Variants in LIPA observed in about 807,000 individuals in gnomAD.
LIPA encodes the protein lipase A, lysosomal acid type, also known as lysosomal acid lipase/cholesteryl ester hydrolase.
In LIPA, 26 loss-of-function variants were observed where a neutral mutation model predicts 40.6. The observed-to-expected ratio is 0.64, with a 90% CI of 0.47 to 0.89. The LOEUF (loss-of-function observed/expected upper bound fraction) is 0.89. LIPA is among the 40% of genes least tolerant of loss of function. The probability of loss-of-function intolerance (pLI) is 0.00; values close to 1 mark genes in which losing one functional copy is unlikely to be tolerated. For missense variants in LIPA, 455 were observed against 479.6 expected (o/e 0.95, Z 0.48); for synonymous variants, 188 against 168.4 (o/e 1.12, Z -0.90).
intron 2 of LIPA, among the ~76,000 whole-genome samples, chr10:89,396,087 G>A (rs1384370474): frequency 1.3e-5 from 2 of 152,124 alleles, no homozygotes; most frequent in Non-Finnish European, 1.5e-5. Flanking sequence ...AGTATCTTAA[G>A]TATATATCCA....
intron 3 of LIPA, among the ~76,000 whole-genome samples, chr10:89,233,519 G>A (rs890308965): frequency 1.3e-5 from 2 of 152,210 alleles, no homozygotes; most frequent in Non-Finnish European, 2.9e-5. Flanking sequence ...CATACATTAC[G>A]TTTCGTGCAA....
intron 2 of LIPA, chr10:89,403,024 A>C (rs1405780422): frequency 6.2e-7 from 1 of 1,614,136 alleles, no homozygotes; most frequent in East Asian, 2.2e-5. Context: ...ATGTCCTCAC[A>C]GACCTATGTC....
At chr10:89,368,655 T>C (rs1045337749) in intron 2 of LIPA, among the ~76,000 whole-genome samples, 1 of 152,106 alleles carries the variant, frequency 6.6e-6, no homozygotes, top group African/African-American at 2.4e-5. Flanking sequence ...GATATAAACA[T>C]GGTGACAAAA....
At chr10:89,352,146 T>A (rs1843962644) in intron 2 of LIPA, among the ~76,000 whole-genome samples, 1 of 152,176 alleles carries the variant, frequency 6.6e-6, no homozygotes, top group East Asian at 1.9e-4. Flanking sequence ...TTTATTGCCT[T>A]TAGCCAATCA....
intron 2 of LIPA, among the ~76,000 whole-genome samples, chr10:89,352,788 T>TA (rs34514402): frequency 0.094 from 10,578 of 113,004 alleles, 488 homozygotes; most frequent in East Asian, 0.19. Context: ...ACTACAAAGA[T>TA]AAAAAAAAAA....
intron 1 of LIPA, among the ~76,000 whole-genome samples, chr10:89,311,417 C>A (rs1843514736): frequency 2.0e-5 from 3 of 150,834 alleles, no homozygotes; most frequent in Non-Finnish European, 4.4e-5. Context: ...GTAATCCCAG[C>A]TACTCAGGAG....
At chr10:89,232,996 T>C (rs1842860735) in intron 3 of LIPA, among the ~76,000 whole-genome samples, 1 of 152,246 alleles carries the variant, frequency 6.6e-6, no homozygotes. Flanking sequence ...GTGCAGCTTC[T>C]AAGAACATCG....
chr10:89,339,241 T>C (rs1223815594), intron 1 of LIPA: 6 of 1,614,194 alleles, frequency 3.7e-6, no homozygotes, highest in Non-Finnish European at 5.1e-6. Flanking sequence ...TACTGATGTT[T>C]TGAAGCAGGC....
intron 1 of LIPA, among the ~76,000 whole-genome samples, chr10:89,286,571 G>A (rs1000680139): frequency 1.1e-4 from 17 of 151,980 alleles, no homozygotes; most frequent in South Asian, 2.1e-4. Context: ...ATCAGTTAGC[G>A]TTTAGGCTCT....
intron 8 of LIPA, among the ~76,000 whole-genome samples, chr10:89,221,287 G>A (rs1482320559): frequency 3.3e-5 from 5 of 151,996 alleles, no homozygotes; most frequent in Non-Finnish European, 7.4e-5. Flanking sequence ...GCTGGGAGGC[G>A]GAGGTTGCAG....
intron 1 of LIPA, among the ~76,000 whole-genome samples, chr10:89,334,638 G>A (rs547174542): frequency 2.5e-4 from 38 of 151,462 alleles, no homozygotes; most frequent in Non-Finnish European, 1.9e-4. Context: ...GATTACAGGC[G>A]CCTGCCACCA....
intron 2 of LIPA, among the ~76,000 whole-genome samples, chr10:89,359,164 A>T (rs1844005431): frequency 6.6e-6 from 1 of 152,106 alleles, no homozygotes; most frequent in Non-Finnish European, 1.5e-5. Context: ...CTGAGAATAG[A>T]GGAAGCTTGA....
At chr10:89,338,704 A>C (rs1476885421) in intron 1 of LIPA, 1 of 1,613,796 alleles carries the variant, frequency 6.2e-7, no homozygotes, top group Admixed American at 1.7e-5. Context: ...TCCACAGCTG[A>C]AATGCCATTT....
intron 2 of LIPA, among the ~76,000 whole-genome samples, chr10:89,377,147 G>A (rs1325180170): frequency 6.6e-6 from 1 of 152,148 alleles, no homozygotes; most frequent in African/African-American, 2.4e-5. Context: ...AATTGTGTGG[G>A]CAATTACATC....
At chr10:89,384,245 G>C (rs1320363077) in intron 2 of LIPA, 1 of 1,614,216 alleles carries the variant, frequency 6.2e-7, no homozygotes, top group East Asian at 2.2e-5. Context: ...TGGCAGCCTA[G>C]AGGGCAAGAT....
chr10:89,369,527 G>A lies in LIPA; in HGVS notation c.61+43264C>T, dbSNP rs184058324. ...GCCATTGAGCTAAGTTCTGAAAACC[G>A]GTATGTTGGAGTTATCTTTATCAAG... On this transcript the variant is annotated intron_variant, in intron 2 of 8. Transcript: ENST00000371837. Among the ~76,000 whole-genome samples the A allele has an allele frequency of 7.8e-4, 119 of 152,250 alleles. 1 individual carries two copies. Among genetic ancestry groups the A allele is most frequent in the African/African-American group, 2.6e-3 (106 of 41,532 alleles).
intron 1 of LIPA, among the ~76,000 whole-genome samples, chr10:89,283,263 C>T (rs1162171640): frequency 3.3e-5 from 5 of 152,122 alleles, no homozygotes; most frequent in African/African-American, 9.7e-5. Flanking sequence ...ATTTCTGTAC[C>T]TCACTTCTGT....
chr10:89,335,260 C>A (rs887089507), intron 1 of LIPA: 8 of 152,144 alleles, frequency 5.3e-5, no homozygotes, highest in African/African-American at 1.9e-4. Context: ...TCCATGTTAT[C>A]ATTAAATGTC....
In LIPA at chr10:89,249,658, C is replaced by A. The variant is rs76909290; in HGVS notation, c.-1-2009G>T. On this transcript the variant is annotated intron_variant, in intron 1 of 9. Coordinates refer to ENST00000336233, the MANE Select transcript of LIPA (RefSeq NM_000235.4). Reference sequence around the variant, plus strand: ...GGAAAAAAAAAAGTACTGTCTGATCCCATTCATATAAAACTCCACAAAATG... The same window carrying A: ...GGAAAAAAAAAAGTACTGTCTGATCACATTCATATAAAACTCCACAAAATG... 2.1e-4 allele frequency among the ~76,000 whole-genome samples: 32 copies of A among 152,194 alleles called. No homozygotes were observed. The East Asian group carries it at 5.0e-3, about 24-fold the overall frequency.
Sources: gnomAD v4.1 joint callset for allele counts (sites outside exome capture counted in the v4.1 genomes callset) on GRCh38, gnomAD v4.1.1 for gene constraint, MANE v1.5 for transcripts, NCBI Gene and HGNC (gene_info 2026-07-23, HGNC 2026-07-21) for gene names.